The following SLC22A11 variants were observed in gnomAD, a reference collection of about 807,000 sequenced individuals.
SLC22A11 encodes the protein organic anion transporter 4.
Under a neutral mutation model 49.4 loss-of-function variants are expected in SLC22A11, and 42 were observed. That is an observed-to-expected ratio of 0.85 (90% confidence interval 0.66 to 1.10). SLC22A11 has a LOEUF of 1.10. Ranked by LOEUF, SLC22A11 falls within the 50% of genes least tolerant of loss-of-function variation. SLC22A11 has a pLI of 0.00. For missense variants in SLC22A11, 685 were observed against 731.6 expected (o/e 0.94, Z 0.74); for synonymous variants, 304 against 315.8 (o/e 0.96, Z 0.40).
chr11:64,567,479 C>T, intron 6 of SLC22A11, 120 bp from the exon 7 acceptor site: 3 of 892,170 alleles, frequency 3.4e-6, no homozygotes, highest in Non-Finnish European at 5.3e-6. Context: ...GAGACAAGCC[C>T]AGGATTGTCC....
At chr11:64,567,461 C>A in intron 6 of SLC22A11, 138 bp from the exon 7 acceptor site, 1 of 773,312 alleles carries the variant, frequency 1.3e-6, no homozygotes, top group Non-Finnish European at 2.1e-6. Flanking sequence ...CTTCTGGGAT[C>A]GCTGGCCGAG....
At chr11:64,556,868 G>A (rs1293784952) in intron 1 of SLC22A11, among the ~76,000 whole-genome samples, 2 of 152,120 alleles carry the variant, frequency 1.3e-5, no homozygotes, top group African/African-American at 4.8e-5. Flanking sequence ...GATTCAGCAG[G>A]GTTCTTTGCT....
chr11:64,563,610 T>TAAAAAAAAAAAAAAA (rs869085115), intron 4 of SLC22A11, among the ~76,000 whole-genome samples: 3 of 43,858 alleles, frequency 6.8e-5, no homozygotes, highest in African/African-American at 2.1e-4. Flanking sequence ...TTAAATGTGC[T>TAAAAAAAAAAAAAAA]AAAAAAAAAA....
In SLC22A11 at chr11:64,565,895, G is replaced by A. The variant is rs182418348; in HGVS notation, c.1058+558G>A. 13 of 223,776 alleles carry A rather than the reference G, an allele frequency of 5.8e-5. No homozygotes were observed. Among genetic ancestry groups the A allele is most frequent in the Admixed American group, 3.0e-4 (6 of 20,172 alleles). The allele number at this position is 223,776 out of a possible 1,614,324, so 13.9% of individuals were successfully genotyped here. Reference sequence around the variant, plus strand: ...ACCGGCACTGTCACTGCCAGGGCCCGCGCGACCAGACCCTGGCCCTCCCCG... The same window carrying A: ...ACCGGCACTGTCACTGCCAGGGCCCACGCGACCAGACCCTGGCCCTCCCCG... On this transcript the variant is annotated intron_variant, in intron 6 of 9. Coordinates refer to ENST00000301891, the MANE Select transcript of SLC22A11 (RefSeq NM_018484.4). The surrounding 1 kb of genome is among the most constrained non-coding windows in gnomAD (Gnocchi z 4.1).
intron 8 of SLC22A11, among the ~76,000 whole-genome samples, chr11:64,569,309 T>G (rs900751800): frequency 6.6e-6 from 1 of 152,220 alleles, no homozygotes; most frequent in Non-Finnish European, 1.5e-5. Context: ...CACCACTCAC[T>G]CATTTCTCCA....
At chr11:64,567,438 T>A (rs1272659889) in intron 6 of SLC22A11, among the ~76,000 whole-genome samples, 161 bp from the exon 7 acceptor site, 1 of 152,146 alleles carries the variant, frequency 6.6e-6, no homozygotes, top group Non-Finnish European at 1.5e-5. Flanking sequence ...GGTTGTGTCC[T>A]GAGTTTGGCA....
At position 64,564,284 on chromosome 11, in the gene SLC22A11, A is replaced by T. The variant is rs778133407; in HGVS notation, c.822-24A>T. On this transcript the variant is annotated intron_variant, in intron 4 of 9. Transcript: ENST00000301891. The surrounding 1 kb of genome is among the most constrained non-coding windows in gnomAD (Gnocchi z 4.2). ...GGGGGAGAGCCCAGCGTGCACTCCC[A>T]GCTACACACCTGCCTCCTTACAGGT... 8 of 1,613,680 alleles carry T rather than the reference A, an allele frequency of 5.0e-6. No homozygotes were observed. In the Admixed American group the frequency reaches 1.3e-4, roughly 27 times the overall value.
In SLC22A11 at chr11:64,565,257, T is replaced by G; in HGVS notation, c.978T>G (p.Ser326=). ...LMSSVKEEVA[S]AKEPRSVLDL... ...CCAGCGTGAAGGAGGAGGTGGCCTC[T>G]GCAAAGGAGCCGCGGTCGGTGCTGG... Residue 326 remains serine, a synonymous_variant, in exon 6 of 10, where the codon TCT becomes TCG. Coordinates refer to ENST00000301891, the MANE Select transcript of SLC22A11 (RefSeq NM_018484.4). This position sits in a 1 kb window ranked among gnomAD's most constrained non-coding sequence, Gnocchi z 4.1. 1 of 1,549,426 alleles carries G rather than the reference T, an allele frequency of 6.5e-7. No individual in the cohort carries two copies. Among genetic ancestry groups the G allele is most frequent in the African/African-American group, 1.4e-5 (1 of 73,168 alleles).
At position 64,565,236 on chromosome 11, in the gene SLC22A11, C is replaced by A; in HGVS notation, c.957C>A (p.Ser319Arg). The change falls in exon 6 of 10, where the codon AGC becomes AGA. Residue 319 changes from serine to arginine, a missense_variant. Ser to Arg is a moderately radical substitution (Grantham distance 110, BLOSUM62 -1). Coordinates refer to ENST00000301891, the MANE Select transcript of SLC22A11 (RefSeq NM_018484.4). This position sits in a 1 kb window ranked among gnomAD's most constrained non-coding sequence, Gnocchi z 4.1. Reference sequence around the variant, plus strand: ...CTCCCCGGAAGGTGCTGATGTCCAGCGTGAAGGAGGAGGTGGCCTCTGCAA... The same window carrying A: ...CTCCCCGGAAGGTGCTGATGTCCAGAGTGAAGGAGGAGGTGGCCTCTGCAA... ...KNLTIEVLMSSVKEEVASAKE... is the reference protein window; with the variant it reads ...KNLTIEVLMSRVKEEVASAKE... The A allele has an allele frequency of 6.5e-7, 1 of 1,541,996 alleles. No individual in the cohort carries two copies. Among genetic ancestry groups the A allele is most frequent in the Non-Finnish European group, 8.8e-7 (1 of 1,141,420 alleles).
intron 1 of SLC22A11, among the ~76,000 whole-genome samples, chr11:64,557,867 G>A (rs564404623): frequency 8.7e-5 from 13 of 148,798 alleles, no homozygotes; most frequent in African/African-American, 1.2e-4. Context: ...ACGCAATCTC[G>A]GCTCACTGCA....
chr11:64,570,503 C>G (rs2038689021), intron 9 of SLC22A11, among the ~76,000 whole-genome samples: 1 of 152,180 alleles, frequency 6.6e-6, no homozygotes, highest in South Asian at 2.1e-4. Context: ...TTTTAAAGCA[C>G]CTGGGAAAAT....
At chr11:64,560,084 G>A (rs1346241294) in intron 2 of SLC22A11, among the ~76,000 whole-genome samples, 2 of 100,134 alleles carry the variant, frequency 2.0e-5, no homozygotes, top group Non-Finnish European at 4.0e-5. Context: ...CACTCCCCCA[G>A]CAGCCTCCAT....
chr11:64,556,974 C>T (rs920030855), intron 1 of SLC22A11, among the ~76,000 whole-genome samples: 5 of 152,230 alleles, frequency 3.3e-5, no homozygotes, highest in Admixed American at 6.5e-5. Context: ...GGTCACCCCA[C>T]GCCCATTTCC....
intron 2 of SLC22A11, among the ~76,000 whole-genome samples, chr11:64,560,685 A>ACGATGCCTGGCTGGCTCAAG (rs1454585529): frequency 3.3e-5 from 5 of 152,142 alleles, no homozygotes; most frequent in African/African-American, 1.2e-4. Flanking sequence ...CCTGGCTCTG[A>ACGATGCCTGGCTGGCTCAAG]CGATGCCTGG....
chr11:64,564,418 T>C lies in SLC22A11; in HGVS notation c.932T>C (p.Leu311Pro). 1 of 1,614,008 alleles carries C rather than the reference T, an allele frequency of 6.2e-7. No homozygotes were observed. Among genetic ancestry groups the C allele is most frequent in the Non-Finnish European group, 8.5e-7 (1 of 1,179,974 alleles). ...AATGGCCACAAGGAGGCCAAGAACCTGACCATAGAGGTGAGATGCTGCTGT... is the reference window on the plus strand; with the variant it reads ...AATGGCCACAAGGAGGCCAAGAACCCGACCATAGAGGTGAGATGCTGCTGT... ...RINGHKEAKN[L>P]TIEVLMSSVK... The change falls in exon 5 of 10, where the codon CTG becomes CCG. Residue 311 changes from leucine to proline, a missense_variant. Coordinates refer to ENST00000301891, the MANE Select transcript of SLC22A11 (RefSeq NM_018484.4). This position sits in a 1 kb window ranked among gnomAD's most constrained non-coding sequence, Gnocchi z 4.2.
chr11:64,563,704 G>A (rs995672414), intron 4 of SLC22A11, among the ~76,000 whole-genome samples: 1 of 148,620 alleles, frequency 6.7e-6, no homozygotes, highest in Admixed American at 6.7e-5. Context: ...TGGATCACAA[G>A]GTCAGAAGAT....
rs955880431 is a variant in SLC22A11 at position 64,564,183 on chromosome 11, G to A, written c.822-125G>A. ...CCAGGCTCCTGGCTGGGCAGCAGCG[G>A]CACAGAAGCATGTGCTTCCTCATCA... On this transcript the variant is annotated intron_variant, in intron 4 of 9. Coordinates refer to ENST00000301891, the MANE Select transcript of SLC22A11 (RefSeq NM_018484.4). The surrounding 1 kb of genome is among the most constrained non-coding windows in gnomAD (Gnocchi z 4.2). The A allele has an allele frequency of 4.0e-6, 5 of 1,249,182 alleles. No homozygotes were observed. In the Admixed American group the frequency reaches 9.3e-5, roughly 23 times the overall value. The allele number at this position is 1,249,182 out of a possible 1,614,324, so 77.4% of individuals were successfully genotyped here.
chr11:64,565,229 T>A lies in SLC22A11; in HGVS notation c.950T>A (p.Met317Lys), dbSNP rs1247827791. ...EAKNLTIEVLMSSVKEEVASA... is the reference protein window; with the variant it reads ...EAKNLTIEVLKSSVKEEVASA... ...CCCCATTCTCCCCGGAAGGTGCTGA[T>A]GTCCAGCGTGAAGGAGGAGGTGGCC... is the stretch of plus-strand genomic sequence containing the variant. The change falls in exon 6 of 10, where the codon ATG (methionine) becomes AAG (lysine). Residue 317 changes from methionine (M) to lysine (K), a missense_variant. Physicochemically the swap from Met to Lys is moderately conservative, Grantham distance 95. Transcript: ENST00000301891. The surrounding 1 kb of genome is among the most constrained non-coding windows in gnomAD (Gnocchi z 4.1). 6 of 1,539,710 alleles carry A rather than the reference T, an allele frequency of 3.9e-6. No homozygotes were observed. In the South Asian group the frequency reaches 6.0e-5, roughly 15 times the overall value.
In SLC22A11 at chr11:64,559,829, G is replaced by A. The variant is rs957602324; in HGVS notation, c.497+591G>A. ...TTAGGGGAACAGGGCACAGGTGATGGGCACGCCAGGGCCAGCCGGCAGGAC... is the reference window on the plus strand; with the variant it reads ...TTAGGGGAACAGGGCACAGGTGATGAGCACGCCAGGGCCAGCCGGCAGGAC... On this transcript the variant is annotated intron_variant, in intron 2 of 9. Coordinates refer to ENST00000301891, the MANE Select transcript of SLC22A11 (RefSeq NM_018484.4). 3.9e-5 allele frequency among the ~76,000 whole-genome samples: 6 copies of A among 152,302 alleles called. No homozygotes were observed. The East Asian group carries it at 1.2e-3, about 29-fold the overall frequency.
Sources: gnomAD v4.1 joint callset for allele counts (sites outside exome capture counted in the v4.1 genomes callset) on GRCh38, gnomAD v4.1.1 for gene constraint, Gnocchi (gnomAD v3.1) non-coding constraint, MANE v1.5 for transcripts, NCBI Gene and HGNC (gene_info 2026-07-23, HGNC 2026-07-21) for gene names.